Variants in FYCO1 observed in about 807,000 individuals in gnomAD.
FYCO1 encodes the protein FYVE and coiled-coil domain autophagy adaptor 1.
A neutral mutation model predicts 165.1 loss-of-function variants in FYCO1; 122 were observed. The ratio of observed to expected loss-of-function variants is 0.74; its 90% CI spans 0.64 to 0.86. FYCO1 has a LOEUF of 0.86. FYCO1 is among the 40% of genes least tolerant of loss of function. The pLI, the probability that FYCO1 is intolerant of heterozygous loss-of-function variation, is 0.00. For missense variants in FYCO1, 1,702 were observed against 1,810.3 expected (o/e 0.94, Z 1.09); for synonymous variants, 648 against 742.5 (o/e 0.87, Z 2.07).
chr3:45,930,345 T>C (rs999960601), intron 16 of FYCO1, among the ~76,000 whole-genome samples: 1 of 152,184 alleles, frequency 6.6e-6, no homozygotes, highest in African/African-American at 2.4e-5. Flanking sequence ...TGCCCCATAC[T>C]GAATCAGCCA....
At chr3:45,928,976 TA>T (rs1559439910) in intron 16 of FYCO1, among the ~76,000 whole-genome samples, 1 of 152,256 alleles carries the variant, frequency 6.6e-6, no homozygotes, top group African/African-American at 2.4e-5. Flanking sequence ...CTTGTGTCTA[TA>T]CCTCCGTAAT....
At position 45,993,466 on chromosome 3, in the gene FYCO1, A is replaced by C. The variant is rs887932262; in HGVS notation, c.-113+2256T>G. Among the ~76,000 whole-genome samples, 1 of 152,254 alleles carries C rather than the reference A, an allele frequency of 6.6e-6. No individual in the cohort carries two copies. Among genetic ancestry groups the C allele is most frequent in the Non-Finnish European group, 1.5e-5 (1 of 68,050 alleles). ...GCATTTCCATAGGTAGAACCACAGA[A>C]ACATTCCAATTCCCACCCTATTGAT... is the stretch of plus-strand genomic sequence containing the variant. On this transcript the variant is annotated intron_variant, in intron 1 of 17. Coordinates refer to ENST00000296137, the MANE Select transcript of FYCO1 (RefSeq NM_024513.4). The surrounding 1 kb of genome is among the most constrained non-coding windows in gnomAD (Gnocchi z 4.4).
intron 14 of FYCO1, chr3:45,938,247 A>T: frequency 7.8e-7 from 1 of 1,289,156 alleles, no homozygotes; most frequent in Non-Finnish European, 1.0e-6. Context: ...GCTGGCCCCG[A>T]CAGACGCCCT....
intron 7 of FYCO1, 36 bp from the exon 8 acceptor site, chr3:45,968,739 G>T (rs1463865585): frequency 6.2e-7 from 1 of 1,613,790 alleles, no homozygotes; most frequent in Non-Finnish European, 8.5e-7. Context: ...GTGGCTTTAG[G>T]ATGAAGCTAC....
In FYCO1 at chr3:45,958,531, A is replaced by G. The variant is rs1173367398; in HGVS notation, c.3676T>C (p.Cys1226Arg). The part of the protein sequence containing the change: ...GGKKERCCRA[C>R]FQKLSEGPGS... Reference sequence around the variant, plus strand: ...GGGCCTTCACTGAGCTTCTGGAAACAGGCTCGGCAGCAGCGCTCCTTTTTG... The same window carrying G: ...GGGCCTTCACTGAGCTTCTGGAAACGGGCTCGGCAGCAGCGCTCCTTTTTG... The change falls in exon 13 of 18, where the codon TGT becomes CGT. Residue 1226 changes from cysteine (C) to arginine (R), a missense_variant. Cys to Arg is a radical substitution (Grantham distance 180, BLOSUM62 -3). Coordinates refer to ENST00000296137, the MANE Select transcript of FYCO1 (RefSeq NM_024513.4). The G allele has an allele frequency of 1.2e-6, 2 of 1,614,110 alleles. No homozygotes were observed. Among genetic ancestry groups the G allele is most frequent in the South Asian group, 1.1e-5 (1 of 91,092 alleles).
chr3:45,942,619 TG>T (rs1158647894), intron 14 of FYCO1, among the ~76,000 whole-genome samples: 1 of 152,200 alleles, frequency 6.6e-6, no homozygotes, highest in Non-Finnish European at 1.5e-5. Context: ...TACAAGGCAC[TG>T]GGGCATGTGA....
At position 45,921,152 on chromosome 3, in the gene FYCO1, A is replaced by AC. The variant is rs1703075041; in HGVS notation, c.*612dup. On this transcript the variant is annotated 3_prime_UTR_variant, in exon 18 of 18. Coordinates refer to ENST00000296137, the MANE Select transcript of FYCO1 (RefSeq NM_024513.4). ...AGTGCAGCTTAGAGGCCCCTCCAACACTGCTGAGTTCTGGAGCAGCCTCCA... is the reference window on the plus strand; with the variant it reads ...AGTGCAGCTTAGAGGCCCCTCCAACACCTGCTGAGTTCTGGAGCAGCCTCCA... 1 of 170,736 alleles carries AC rather than the reference A, an allele frequency of 5.9e-6. No individual in the cohort carries two copies. Among genetic ancestry groups the AC allele is most frequent in the African/African-American group, 2.4e-5 (1 of 41,802 alleles). 10.6% of individuals were successfully genotyped at this position (170,736 alleles called of 1,614,324 possible). A position where few individuals can be genotyped will look rare whatever the true frequency, so the allele number is the denominator to read the frequency against.
Position 45,962,256 on chromosome 3 carries a change from A to G in FYCO1, c.3406T>C (p.Tyr1136His), listed in dbSNP as rs1705735670. The G allele has an allele frequency of 1.2e-6, 2 of 1,614,200 alleles. No homozygotes were observed. The highest frequency in any genetic ancestry group is 1.7e-6 in the Non-Finnish European group (2 of 1,180,042). Residue 1136 changes from tyrosine (Y) to histidine (H), a missense_variant, in exon 11 of 18, where the codon TAT (tyrosine) becomes CAT (histidine). By Grantham distance (83) the Tyr-to-His change is moderately conservative. Coordinates refer to ENST00000296137, the MANE Select transcript of FYCO1 (RefSeq NM_024513.4). This position sits in a 1 kb window ranked among gnomAD's most constrained non-coding sequence, Gnocchi z 4.4. The part of the protein sequence containing the change: ...DLDDLNRTKK[Y>H]LEERLIELLR... ...AGCTCTATCAGCCGCTCCTCGAGAT[A>G]CTTCTTGGTTCTGTTGAGGTCATCC... is the stretch of plus-strand genomic sequence containing the variant.
intron 14 of FYCO1, chr3:45,946,433 A>C: frequency 1.3e-6 from 2 of 1,526,016 alleles, no homozygotes; most frequent in South Asian, 2.4e-5. Flanking sequence ...CTCAGCCCCA[A>C]ATATAATTCC....
rs1161345151 is a variant in FYCO1, at chr3:45,981,580, T to C, written c.152A>G (p.Tyr51Cys). The C allele has an allele frequency of 1.9e-6, 3 of 1,599,114 alleles. No homozygotes were observed. Among genetic ancestry groups the C allele is most frequent in the South Asian group, 2.2e-5 (2 of 90,772 alleles). ...ACAGGCATCACTTACTTGCAGGAGA[T>C]ACTCAAGTTTATAAGAAAATTTATG... ...SLHKFSYKLE[Y>C]LLQFDQKEKA... Residue 51 changes from tyrosine to cysteine, a missense_variant, in exon 3 of 18, where the codon TAT (tyrosine) becomes TGT (cysteine). Transcript: ENST00000296137.
At chr3:45,932,539 T>C (rs1703683454) in intron 15 of FYCO1, among the ~76,000 whole-genome samples, 1 of 152,182 alleles carries the variant, frequency 6.6e-6, no homozygotes, top group Non-Finnish European at 1.5e-5. Context: ...CTGCCTTTTG[T>C]GGAGAAAATG....
intron 16 of FYCO1, among the ~76,000 whole-genome samples, chr3:45,927,461 G>C (rs1703377153): frequency 6.6e-6 from 1 of 152,180 alleles, no homozygotes. Context: ...AAAAAGGCAT[G>C]GGAGGGAGAG....
intron 14 of FYCO1, chr3:45,947,342 C>A: frequency 1.2e-6 from 2 of 1,614,248 alleles, no homozygotes; most frequent in Non-Finnish European, 1.7e-6. Context: ...ACCCTGTGCT[C>A]TATGCCTTTG....
At chr3:45,988,931 G>A (rs374423659) in intron 1 of FYCO1, among the ~76,000 whole-genome samples, 6 of 152,170 alleles carry the variant, frequency 3.9e-5, no homozygotes, top group East Asian at 1.9e-4. Context: ...CAATAGCAAC[G>A]GCAATTTAGT....
chr3:45,968,542 C>G lies in FYCO1; in HGVS notation c.792G>C (p.Arg264Ser). 6.2e-7 allele frequency: 1 copy of G among 1,614,030 alleles called. No homozygotes were observed. Among genetic ancestry groups the G allele is most frequent in the South Asian group, 1.1e-5 (1 of 91,080 alleles). Residue 264 changes from arginine to serine, a missense_variant, in exon 8 of 18, where the codon AGG (arginine) becomes AGC (serine). By Grantham distance (110) the Arg-to-Ser change is moderately radical. Transcript: ENST00000296137. ...GCTCCCCTTGCTGGCTGACAGCTGC[C>G]CTCAGCTCCTGGTTCTCTCTGTCCA... ...QQLDRENQEL[R>S]AAVSQQGEQL...
chr3:45,936,089 C>T (rs1703873497), intron 15 of FYCO1, among the ~76,000 whole-genome samples: 1 of 152,112 alleles, frequency 6.6e-6, no homozygotes, highest in African/African-American at 2.4e-5. Context: ...TCTCTATTTT[C>T]CTAATTTTTT....
At chr3:45,946,672 G>C (rs1242209050) in intron 14 of FYCO1, 1 of 1,614,220 alleles carries the variant, frequency 6.2e-7, no homozygotes, top group Non-Finnish European at 8.5e-7. Context: ...AAGTTGCAGA[G>C]CCTGACGGAT....
At position 45,969,654 on chromosome 3, in the gene FYCO1, TC is replaced by T. The variant is rs1161147578; in HGVS notation, c.630+20del. On this transcript the variant is annotated intron_variant, in intron 7 of 17. Coordinates refer to ENST00000296137, the MANE Select transcript of FYCO1 (RefSeq NM_024513.4). ...CTGGTAGAAGCTATAGGAAGATAAT[TC>T]CCAGCCTTCCTGGCCTTACCTGCAG... 1 of 1,597,484 alleles carries T rather than the reference TC, an allele frequency of 6.3e-7. No individual in the cohort carries two copies. The highest frequency in any genetic ancestry group is 8.6e-7 in the Non-Finnish European group (1 of 1,165,234).
rs1455667629 is a variant in FYCO1, at chr3:45,918,019, A to T, written c.*3746T>A. 6.6e-6 allele frequency: 1 copy of T among 152,632 alleles called. No individual in the cohort carries two copies. The highest frequency in any genetic ancestry group is 1.5e-5 in the Non-Finnish European group (1 of 68,034). 9.5% of individuals were successfully genotyped at this position (152,632 alleles called of 1,614,324 possible). A position where few individuals can be genotyped will look rare whatever the true frequency, so the allele number is the denominator to read the frequency against. ...AGGGATACAAAAGTTTTCCACCCCC[A>T]TTGAGCAGGTGGGGTGCTGGTATTT... On this transcript the variant is annotated 3_prime_UTR_variant, in exon 18 of 18. Coordinates refer to ENST00000296137, the MANE Select transcript of FYCO1 (RefSeq NM_024513.4).
Sources: gnomAD v4.1 joint callset for allele counts (sites outside exome capture counted in the v4.1 genomes callset) on GRCh38, gnomAD v4.1.1 for gene constraint, Gnocchi (gnomAD v3.1) non-coding constraint, MANE v1.5 for transcripts, NCBI Gene and HGNC (gene_info 2026-07-23, HGNC 2026-07-21) for gene names.